LRFN2: variants seen among roughly 807,000 people sequenced by gnomAD.
The protein encoded by LRFN2 is leucine-rich repeat and fibronectin type-III domain-containing protein 2.
LRFN2 carries 18 observed loss-of-function variants against 37.3 expected under a neutral mutation model. That is an observed-to-expected ratio of 0.48 (90% CI 0.33 to 0.72). The LOEUF is 0.72. Ranked by LOEUF, LRFN2 falls within the 30% of genes least tolerant of loss-of-function variation. LRFN2 has a pLI of 0.02. For missense variants in LRFN2, 1,006 were observed against 1,060.7 expected, an observed-to-expected ratio of 0.95 and a Z score of 0.72; for synonymous variants, 556 against 466.6, an observed-to-expected ratio of 1.19 and a Z score of -2.47.
chr6:40,527,978 G>A (rs563290770), intron 1 of LRFN2, among the ~76,000 whole-genome samples: 186 of 152,180 alleles, frequency 1.2e-3, no homozygotes, highest in Non-Finnish European at 2.1e-3. Flanking sequence ...ATCCTACAAA[G>A]TGACTGTTAT....
chr6:40,394,221 C>T (rs762635703), intron 2 of LRFN2, among the ~76,000 whole-genome samples: 4 of 152,238 alleles, frequency 2.6e-5, no homozygotes, highest in Non-Finnish European at 5.9e-5. Context: ...AGCCTGGATG[C>T]ACACCCTGAA....
At chr6:40,404,470 A>C (rs892481657) in intron 2 of LRFN2, among the ~76,000 whole-genome samples, 1 of 152,212 alleles carries the variant, frequency 6.6e-6, no homozygotes, top group Admixed American at 6.5e-5. Context: ...ACTTCAAATT[A>C]ATAATAATTG....
At chr6:40,494,439 G>A (rs1156241305) in intron 1 of LRFN2, among the ~76,000 whole-genome samples, 3 of 152,180 alleles carry the variant, frequency 2.0e-5, no homozygotes, top group African/African-American at 7.2e-5. Context: ...TTGAAAAAGA[G>A]TAGAGTCTTA....
At position 40,431,883 on chromosome 6, in the gene LRFN2, C is replaced by G. The variant is rs150417685; in HGVS notation, c.1231G>C (p.Gly411Arg). 12 of 1,607,148 alleles carry G rather than the reference C, an allele frequency of 7.5e-6. No homozygotes were observed. The Middle Eastern group carries it at 5.0e-4, about 66-fold the overall frequency. ...GSSKTSRGGG[G>R]SGGGEPPKSP... ...TTGGGAGGCTCTCCGCCCCCACTGC[C>G]TCCACCTCCCCGGCTGGTCTTGCTG... is the stretch of plus-strand genomic sequence containing the variant. The change falls in exon 2 of 3, where the codon GGC becomes CGC. Residue 411 changes from glycine (G) to arginine (R), a missense_variant. Transcript: ENST00000338305.
At chr6:40,573,321 G>A (rs1767218937) in intron 1 of LRFN2, among the ~76,000 whole-genome samples, 1 of 152,262 alleles carries the variant, frequency 6.6e-6, no homozygotes, top group Non-Finnish European at 1.5e-5. Context: ...AGAGTGGTCA[G>A]GAGTGTGGGG....
At chr6:40,539,935 C>T (rs1435089384) in intron 1 of LRFN2, among the ~76,000 whole-genome samples, 1 of 152,152 alleles carries the variant, frequency 6.6e-6, no homozygotes, top group Non-Finnish European at 1.5e-5. Context: ...TCTTCCATCA[C>T]CTCTCCAGGA....
intron 1 of LRFN2, among the ~76,000 whole-genome samples, chr6:40,528,387 C>T (rs896513923): frequency 6.6e-6 from 1 of 152,182 alleles, no homozygotes; most frequent in Non-Finnish European, 1.5e-5. Flanking sequence ...ACACCTTCTC[C>T]CAGCTCTTTA....
intron 1 of LRFN2, among the ~76,000 whole-genome samples, chr6:40,557,178 C>A (rs1766906250): frequency 6.6e-6 from 1 of 152,156 alleles, no homozygotes; most frequent in African/African-American, 2.4e-5. Context: ...TCCTCACTCA[C>A]CCGAGGCGAG....
In LRFN2 at chr6:40,466,658, C is replaced by T. The variant is rs1173167631; in HGVS notation, c.-18-33527G>A. On this transcript the variant is annotated intron_variant, in intron 1 of 2. Transcript: ENST00000338305. ...AGGTAGATGGTGCTCCAATCCACTT[C>T]CACTTCTTCATCCCTATGCAAGTCA... 2.0e-5 allele frequency among the ~76,000 whole-genome samples: 3 copies of T among 152,138 alleles called. No homozygotes were observed. In the East Asian group the frequency reaches 5.8e-4, roughly 29 times the overall value.
At chr6:40,395,750 CAG>C (rs1354119807) in intron 2 of LRFN2, among the ~76,000 whole-genome samples, 2 of 152,204 alleles carry the variant, frequency 1.3e-5, no homozygotes, top group African/African-American at 2.4e-5. Context: ...GATGGGGAAA[CAG>C]AGGTGCAGAA....
At chr6:40,471,255 T>C (rs1056749835) in intron 1 of LRFN2, among the ~76,000 whole-genome samples, 1 of 152,168 alleles carries the variant, frequency 6.6e-6, no homozygotes, top group Non-Finnish European at 1.5e-5. Context: ...AAGGCAACTT[T>C]AGGGCTCAAC....
intron 2 of LRFN2, among the ~76,000 whole-genome samples, chr6:40,399,458 C>T (rs562782582): frequency 1.7e-5 from 2 of 115,812 alleles, no homozygotes; most frequent in South Asian, 5.9e-4. Flanking sequence ...TTTTTTGAGA[C>T]ACAGTCTCAC....
chr6:40,484,294 C>T (rs1444572741), intron 1 of LRFN2, among the ~76,000 whole-genome samples: 1 of 152,216 alleles, frequency 6.6e-6, no homozygotes, highest in East Asian at 1.9e-4. Flanking sequence ...TCGGAGGCCT[C>T]TGCCAAGCTG....
At chr6:40,423,147 TG>T in intron 2 of LRFN2, among the ~76,000 whole-genome samples, 1 of 152,312 alleles carries the variant, frequency 6.6e-6, no homozygotes, top group Admixed American at 6.5e-5. Context: ...ACAAACCTCC[TG>T]TGGGTTTTCA....
At chr6:40,440,206 T>C (rs1304354106) in intron 1 of LRFN2, among the ~76,000 whole-genome samples, 1 of 152,176 alleles carries the variant, frequency 6.6e-6, no homozygotes, top group Non-Finnish European at 1.5e-5. Context: ...TAAACTTCTA[T>C]TGTGCAAGAT....
chr6:40,544,741 G>A (rs555212876), intron 1 of LRFN2, among the ~76,000 whole-genome samples: 5 of 152,318 alleles, frequency 3.3e-5, no homozygotes, highest in South Asian at 4.1e-4. Context: ...TTCCAGCAGC[G>A]CTGAGGATAA....
In LRFN2 at chr6:40,517,680, C is replaced by T. The variant is rs146651621; in HGVS notation, c.-19+69261G>A. Among the ~76,000 whole-genome samples, 755 of 152,298 alleles carry T rather than the reference C, an allele frequency of 5.0e-3. 19 individuals are homozygous for T. The Middle Eastern group carries it at 0.092, about 19-fold the overall frequency. ...GTGTATGTGCATTGCAGAAGGCAGG[C>T]TTATTTCAGTATCAGTCTGTGCAAA... On this transcript the variant is annotated intron_variant, in intron 1 of 2. Coordinates refer to ENST00000338305, the MANE Select transcript of LRFN2 (RefSeq NM_020737.3).
At chr6:40,522,079 G>A (rs1766091314) in intron 1 of LRFN2, among the ~76,000 whole-genome samples, 1 of 152,290 alleles carries the variant, frequency 6.6e-6, no homozygotes. Context: ...TCCTCACAGA[G>A]CCAGACGTTG....
At position 40,392,546 on chromosome 6, in the gene LRFN2, G is replaced by A. The variant is rs779376587; in HGVS notation, c.1767C>T (p.Ser589=). The change falls in exon 3 of 3, where the codon AGC becomes AGT. Residue 589 remains serine (S), a synonymous_variant. Coordinates refer to ENST00000338305, the MANE Select transcript of LRFN2 (RefSeq NM_020737.3). This position sits in a 1 kb window ranked among gnomAD's most constrained non-coding sequence, Gnocchi z 4.7. ...CCTGCGGCGGGGCCCCGGCTGGTGC[G>A]CTGCTTGGAGGCGGTGGCTGGGCGC... ...TNGAQPPPPS[S]APAGAPPQGP... The A allele has an allele frequency of 8.2e-6, 13 of 1,586,262 alleles. No homozygotes were observed. Among genetic ancestry groups the A allele is most frequent in the Non-Finnish European group, 1.1e-5 (13 of 1,169,998 alleles).
Sources: allele counts gnomAD v4.1 joint callset (sites outside exome capture counted in the v4.1 genomes callset), GRCh38; gene constraint gnomAD v4.1.1; non-coding constraint Gnocchi (gnomAD v3.1); transcripts MANE v1.5; gene names NCBI Gene and HGNC (gene_info 2026-07-23, HGNC 2026-07-21).